Variants in CABLES1 observed in about 807,000 individuals in gnomAD.
The protein encoded by CABLES1 is CDK5 and ABL1 enzyme substrate 1.
Under a neutral mutation model 57.8 loss-of-function variants are expected in CABLES1, and 36 were observed. The observed-to-expected ratio is 0.62, with a 90% CI of 0.48 to 0.82. CABLES1 has a LOEUF of 0.82. Ranked by LOEUF, CABLES1 falls within the 40% of genes least tolerant of loss-of-function variation. The probability of loss-of-function intolerance (pLI) is 0.00; values close to 1 mark genes in which losing one functional copy is unlikely to be tolerated. For missense variants in CABLES1, 767 were observed against 836.6 expected (o/e 0.92, Z 1.03); for synonymous variants, 374 against 363.0 (o/e 1.03, Z -0.35).
At chr18:23,157,762 G>C (rs919402939) in intron 1 of CABLES1, among the ~76,000 whole-genome samples, 4 of 152,254 alleles carry the variant, frequency 2.6e-5, no homozygotes, top group East Asian at 3.9e-4. Context: ...CAGCTACTCT[G>C]AAAGCTGAGG....
chr18:23,219,634 C>T (rs949948576), intron 4 of CABLES1, among the ~76,000 whole-genome samples: 9 of 152,192 alleles, frequency 5.9e-5, no homozygotes, highest in African/African-American at 2.2e-4. Flanking sequence ...GGGCTGGGGA[C>T]AGGAGTGAGC....
At position 23,231,679 on chromosome 18, in the gene CABLES1, A is replaced by G. The variant is rs56213844; in HGVS notation, c.1089-2929A>G. ...TGAGACGCTTGGACAATCCACTGGA[A>G]TCCCTGTTTCTAAGAATCCCTGTTT... On this transcript the variant is annotated intron_variant, in intron 4 of 9. Coordinates refer to ENST00000256925, the MANE Select transcript of CABLES1 (RefSeq NM_001100619.3). Among the ~76,000 whole-genome samples, 1,064 of 152,164 alleles carry G rather than the reference A, an allele frequency of 7.0e-3. 12 individuals are homozygous for G. The highest frequency in any genetic ancestry group is 0.024 in the African/African-American group (1,000 of 41,436).
At chr18:23,191,119 T>C (rs866081254) in intron 2 of CABLES1, among the ~76,000 whole-genome samples, 2 of 150,446 alleles carry the variant, frequency 1.3e-5, no homozygotes, top group African/African-American at 4.9e-5. Flanking sequence ...GGCACATGGA[T>C]GTGCACCTGT....
chr18:23,239,529 C>T (rs902704167), intron 7 of CABLES1, among the ~76,000 whole-genome samples: 1 of 152,234 alleles, frequency 6.6e-6, no homozygotes, highest in Non-Finnish European at 1.5e-5. Flanking sequence ...ACATGGGTTA[C>T]AGGCCGTTTC....
intron 3 of CABLES1, among the ~76,000 whole-genome samples, chr18:23,207,570 G>A (rs1212707974): frequency 1.3e-5 from 2 of 152,166 alleles, no homozygotes; most frequent in East Asian, 3.9e-4. Context: ...CCTCTGCATG[G>A]AGGTATCTCC....
chr18:23,230,014 T>C (rs894953678), intron 4 of CABLES1, among the ~76,000 whole-genome samples: 14 of 152,228 alleles, frequency 9.2e-5, no homozygotes, highest in African/African-American at 2.9e-4. Context: ...CCGGAAAAGT[T>C]TGTCAGCCTC....
At chr18:23,233,992 G>A (rs991211349) in intron 4 of CABLES1, among the ~76,000 whole-genome samples, 64 of 152,118 alleles carry the variant, frequency 4.2e-4, no homozygotes, top group Admixed American at 4.1e-3. Flanking sequence ...TGAGATGGGT[G>A]GATCACCTGA....
intron 2 of CABLES1, among the ~76,000 whole-genome samples, chr18:23,191,906 TAAAAA>T (rs147984743): frequency 1.9e-3 from 153 of 82,378 alleles, no homozygotes; most frequent in African/African-American, 6.9e-3. Flanking sequence ...GTTGAATGCT[TAAAAA>T]AAAAAAAAAA....
At chr18:23,241,761 G>C (rs1364311406) in intron 7 of CABLES1, among the ~76,000 whole-genome samples, 1 of 152,144 alleles carries the variant, frequency 6.6e-6, no homozygotes, top group Non-Finnish European at 1.5e-5. Context: ...ATCTTTGTGC[G>C]TGTGTGTCCT....
chr18:23,193,483 CG>C (rs1041784112), intron 2 of CABLES1, among the ~76,000 whole-genome samples: 10 of 182 alleles, frequency 0.055, no homozygotes, highest in Middle Eastern at 0.5. Context: ...TGAGCCACCA[CG>C]CCCCAGCCCA....
chr18:23,159,940 T>C lies in CABLES1; in HGVS notation c.845+23333T>C, dbSNP rs576645955. 2.6e-5 allele frequency among the ~76,000 whole-genome samples: 4 copies of C among 152,090 alleles called. No homozygotes were observed. In the South Asian group the frequency reaches 8.3e-4, roughly 32 times the overall value. ...CCGTTAAGGTGGTAGGGCTCTTGTC[T>C]CTCCGAAGAATCATAAGTAACACTT... is the stretch of plus-strand genomic sequence containing the variant. On this transcript the variant is annotated intron_variant, in intron 1 of 9. Transcript: ENST00000256925.
chr18:23,245,365 G>A (rs2047849111), intron 7 of CABLES1, among the ~76,000 whole-genome samples: 1 of 152,156 alleles, frequency 6.6e-6, no homozygotes, highest in East Asian at 1.9e-4. Context: ...AAAAAAAATA[G>A]CCAGGCGTGG....
At chr18:23,209,285 A>T (rs2047386651) in intron 3 of CABLES1, among the ~76,000 whole-genome samples, 3 of 152,224 alleles carry the variant, frequency 2.0e-5, no homozygotes, top group Non-Finnish European at 4.4e-5. Context: ...TACAGGCGTC[A>T]GTGCTATCCG....
At chr18:23,196,053 C>A (rs1598823499) in intron 3 of CABLES1, among the ~76,000 whole-genome samples, 1 of 152,164 alleles carries the variant, frequency 6.6e-6, no homozygotes, top group African/African-American at 2.4e-5. Context: ...CAGACAATTA[C>A]CCCAGCATGG....
At chr18:23,246,247 CAG>C (rs1209466881) in intron 7 of CABLES1, among the ~76,000 whole-genome samples, 2 of 147,574 alleles carry the variant, frequency 1.4e-5, no homozygotes, top group African/African-American at 2.5e-5. Flanking sequence ...GCCTAGGTGA[CAG>C]AGTGAGACTC....
intron 3 of CABLES1, 132 bp from the exon 4 acceptor site, chr18:23,213,845 C>T: frequency 1.6e-6 from 1 of 606,202 alleles, no homozygotes; most frequent in Non-Finnish European, 2.9e-6. Flanking sequence ...ATACCATCTG[C>T]CAGAGGAGGT....
rs372932040 is a variant in CABLES1 at position 23,246,492 on chromosome 18, C to T, written c.1447-6468C>T. The stretch of plus-strand genomic sequence containing the variant: ...CTGCAAGCTCCGCCTCCCGGGTTCA[C>T]GCCATTCTCCTGCGTCAGCCTCCCA... On this transcript the variant is annotated intron_variant, in intron 7 of 9. Transcript: ENST00000256925. 2.0e-4 allele frequency among the ~76,000 whole-genome samples: 30 copies of T among 151,914 alleles called. No homozygotes were observed. In the South Asian group the frequency reaches 2.5e-3, roughly 13 times the overall value.
chr18:23,238,084 G>C (rs1009389429), intron 7 of CABLES1, among the ~76,000 whole-genome samples: 1 of 152,248 alleles, frequency 6.6e-6, no homozygotes, highest in African/African-American at 2.4e-5. Flanking sequence ...CGGCACAGCC[G>C]AGCGCTTCCT....
intron 9 of CABLES1, among the ~76,000 whole-genome samples, chr18:23,254,605 G>A (rs2048118540): frequency 6.6e-6 from 1 of 152,174 alleles, no homozygotes; most frequent in Non-Finnish European, 1.5e-5. Flanking sequence ...AATGACAAAT[G>A]TATTTCTCAT....
Sources: allele counts gnomAD v4.1 joint callset (sites outside exome capture counted in the v4.1 genomes callset), GRCh38; gene constraint gnomAD v4.1.1; transcripts MANE v1.5; gene names NCBI Gene and HGNC (gene_info 2026-07-23, HGNC 2026-07-21).